HS3ST2: variants seen among roughly 807,000 people sequenced by gnomAD.
The protein encoded by HS3ST2 is heparan sulfate glucosamine 3-O-sulfotransferase 2.
HS3ST2 carries 17 observed loss-of-function variants against 26.3 expected under a neutral mutation model. That is an observed-to-expected ratio of 0.65 (90% CI 0.44 to 0.97). The LOEUF is 0.97. Among genes scored for constraint, HS3ST2 ranks in the 50% least tolerant of loss-of-function variants. The pLI is 0.00. For synonymous variants in HS3ST2, 237 were observed against 219.2 expected (o/e 1.08, Z -0.72); for missense variants, 402 against 501.2 (o/e 0.80, Z 1.89).
In HS3ST2 at chr16:22,815,083, T is replaced by C; in HGVS notation, c.473T>C (p.Leu158Pro). Residue 158 changes from leucine to proline, a missense_variant, in exon 1 of 2, where the codon CTG becomes CCG. Physicochemically the swap from Leu to Pro is moderately conservative, Grantham distance 98. This residue lies in a region of HS3ST2 where 237 missense variants were observed against 346.6 expected (regional missense o/e 0.68). Transcript: ENST00000261374. Reference sequence around the variant, plus strand: ...TTTGACAGGAACTACGGCCGCGGGCTGGATTGGTACAGGTAAGGACCAGGA... The same window carrying C: ...TTTGACAGGAACTACGGCCGCGGGCCGGATTGGTACAGGTAAGGACCAGGA... Reference protein sequence around the residue: ...HFFDRNYGRGLDWYRSLMPRT... With the variant: ...HFFDRNYGRGPDWYRSLMPRT... The C allele has an allele frequency of 1.2e-6, 2 of 1,613,098 alleles. No individual in the cohort carries two copies. Among genetic ancestry groups the C allele is most frequent in the Non-Finnish European group, 1.7e-6 (2 of 1,180,032 alleles).
chr16:22,880,759 TC>T (rs1037270374), intron 1 of HS3ST2, among the ~76,000 whole-genome samples: 3 of 152,228 alleles, frequency 2.0e-5, no homozygotes, highest in South Asian at 4.1e-4. Context: ...AATCCAAACC[TC>T]CCTAAGATAC....
At chr16:22,885,279 T>C (rs1902045067) in intron 1 of HS3ST2, among the ~76,000 whole-genome samples, 1 of 151,774 alleles carries the variant, frequency 6.6e-6, no homozygotes, top group African/African-American at 2.4e-5. Context: ...TATAGAAAAA[T>C]CTTTCAGATG....
At chr16:22,892,147 G>A (rs1256708439) in intron 1 of HS3ST2, among the ~76,000 whole-genome samples, 10 of 151,632 alleles carry the variant, frequency 6.6e-5, no homozygotes, top group Admixed American at 5.3e-4. Flanking sequence ...AAAGTTAGCC[G>A]GGCGTGGTGG....
At chr16:22,888,393 CTTTTTTTTTTT>C (rs1438772574) in intron 1 of HS3ST2, among the ~76,000 whole-genome samples, 19 of 91,394 alleles carry the variant, frequency 2.1e-4, no homozygotes, top group Non-Finnish European at 3.8e-4. Flanking sequence ...TTTTTTTTTT[CTTTTTTTTTTT>C]GAGACAGAGT....
rs759445449 is a variant in HS3ST2 at position 22,814,929 on chromosome 16, C to G, written c.319C>G (p.Pro107Ala). The G allele has an allele frequency of 1.2e-6, 2 of 1,605,506 alleles. No homozygotes were observed. Among genetic ancestry groups the G allele is most frequent in the South Asian group, 2.2e-5 (2 of 89,634 alleles). ...CTCCGGTTCCAACCACTCCGGCTCACCCAAGCTGGGTACCAAGCGGTTGCC... is the reference window on the plus strand; with the variant it reads ...CTCCGGTTCCAACCACTCCGGCTCAGCCAAGCTGGGTACCAAGCGGTTGCC... The part of the protein sequence containing the change: ...RLSGSNHSGS[P>A]KLGTKRLPQA... The change falls in exon 1 of 2, where the codon CCC (proline) becomes GCC (alanine). Residue 107 changes from proline to alanine, a missense_variant. Physicochemically the swap from Pro to Ala is conservative, Grantham distance 27 (BLOSUM62 -1). Transcript: ENST00000261374.
chr16:22,897,412 T>G (rs1171705294), intron 1 of HS3ST2, among the ~76,000 whole-genome samples: 1 of 152,184 alleles, frequency 6.6e-6, no homozygotes, highest in Non-Finnish European at 1.5e-5. Flanking sequence ...TACTCTGGTT[T>G]GGATTCCCTT....
At chr16:22,881,610 G>T (rs1409232820) in intron 1 of HS3ST2, among the ~76,000 whole-genome samples, 1 of 152,198 alleles carries the variant, frequency 6.6e-6, no homozygotes, top group Admixed American at 6.5e-5. Flanking sequence ...GTCAACATAA[G>T]GGAAGATGAC....
chr16:22,843,771 G>A (rs1901393098), intron 1 of HS3ST2, among the ~76,000 whole-genome samples: 1 of 152,092 alleles, frequency 6.6e-6, no homozygotes, highest in South Asian at 2.1e-4. Context: ...GGGTTTTTAT[G>A]GAAGTTTCAA....
intron 1 of HS3ST2, among the ~76,000 whole-genome samples, chr16:22,878,923 C>T (rs977058183): frequency 1.3e-5 from 2 of 152,102 alleles, no homozygotes; most frequent in Non-Finnish European, 2.9e-5. Flanking sequence ...TAAGGGAGGG[C>T]GAGATGGCTG....
chr16:22,838,140 A>T (rs1467138796), intron 1 of HS3ST2, among the ~76,000 whole-genome samples: 1 of 152,122 alleles, frequency 6.6e-6, no homozygotes, highest in Non-Finnish European at 1.5e-5. Flanking sequence ...ATAGACTTAA[A>T]GATCCTTTGT....
At chr16:22,856,431 T>C (rs895703822) in intron 1 of HS3ST2, among the ~76,000 whole-genome samples, 7 of 152,220 alleles carry the variant, frequency 4.6e-5, no homozygotes, top group African/African-American at 1.7e-4. Context: ...CTGATGCAGT[T>C]TCTTCAGATT....
intron 1 of HS3ST2, among the ~76,000 whole-genome samples, chr16:22,826,879 C>A (rs1044812304): frequency 1.3e-5 from 2 of 152,154 alleles, no homozygotes; most frequent in Admixed American, 1.3e-4. Flanking sequence ...AAACAGACAA[C>A]AATTTCTGCC....
chr16:22,893,360 G>A (rs1902155716), intron 1 of HS3ST2, among the ~76,000 whole-genome samples: 1 of 152,138 alleles, frequency 6.6e-6, no homozygotes. Flanking sequence ...GTTAGCTATT[G>A]GTATTATTTC....
chr16:22,875,574 G>A lies in HS3ST2; in HGVS notation c.486-39370G>A, dbSNP rs151018097. ...TTTTTTGTATTTCTAGTAGAGACTG[G>A]ATTTCACTGTGTTAGCCAGGATGGT... On this transcript the variant is annotated intron_variant, in intron 1 of 1. Transcript: ENST00000261374. 2.6e-5 allele frequency among the ~76,000 whole-genome samples: 4 copies of A among 152,156 alleles called. No individual in the cohort carries two copies. In the East Asian group the frequency reaches 5.8e-4, roughly 22 times the overall value.
chr16:22,866,084 A>T (rs1012048562), intron 1 of HS3ST2, among the ~76,000 whole-genome samples: 6 of 152,192 alleles, frequency 3.9e-5, no homozygotes, highest in African/African-American at 1.4e-4. Flanking sequence ...TTAAGGCAGC[A>T]TTTAAAGCCC....
At chr16:22,899,226 C>A (rs748282108) in intron 1 of HS3ST2, among the ~76,000 whole-genome samples, 21 of 152,030 alleles carry the variant, frequency 1.4e-4, no homozygotes, top group Non-Finnish European at 2.4e-4. Context: ...GTGGGGACTC[C>A]GTGGACAATT....
intron 1 of HS3ST2, among the ~76,000 whole-genome samples, chr16:22,891,665 C>T (rs1902131385): frequency 1.3e-5 from 2 of 152,008 alleles, no homozygotes; most frequent in African/African-American, 4.8e-5. Flanking sequence ...GAATATTTTG[C>T]AATATTTCTA....
rs555791876 is a variant in HS3ST2 at position 22,828,185 on chromosome 16, A to G, written c.485+13090A>G. Among the ~76,000 whole-genome samples, 6 of 152,242 alleles carry G rather than the reference A, an allele frequency of 3.9e-5. No individual in the cohort carries two copies. The East Asian group carries it at 1.2e-3, about 29-fold the overall frequency. On this transcript the variant is annotated intron_variant, in intron 1 of 1. Transcript: ENST00000261374. ...CGTTCTACTGTAGCTTGGAGTCTTC[A>G]CTCCCAAATAGGTGGGAGATGGCAG...
intron 1 of HS3ST2, among the ~76,000 whole-genome samples, chr16:22,858,555 T>TTTTGTTTG (rs59520466): frequency 0.023 from 3,448 of 150,788 alleles, 112 homozygotes; most frequent in African/African-American, 0.074. Flanking sequence ...GGAATCCTTT[T>TTTTGTTTG]TTTGTTTGTT....
Sources: gnomAD v4.1 joint callset for allele counts (sites outside exome capture counted in the v4.1 genomes callset) on GRCh38, gnomAD v4.1.1 for gene constraint, gnomAD v4.1.1 regional missense constraint, MANE v1.5 for transcripts, NCBI Gene and HGNC (gene_info 2026-07-23, HGNC 2026-07-21) for gene names.